ACSL1: variants seen among roughly 807,000 people sequenced by gnomAD.
ACSL1 encodes long-chain-fatty-acid--CoA ligase 1.
In ACSL1, 41 loss-of-function variants were observed where a neutral mutation model predicts 98.4. The ratio of observed to expected loss-of-function variants is 0.42; its 90% CI spans 0.32 to 0.54. The LOEUF (loss-of-function observed/expected upper bound fraction) is 0.54, where lower values mean the gene tolerates loss of function less well. ACSL1 is among the 20% of genes least tolerant of loss of function. ACSL1 has a pLI of 0.13. For synonymous variants in ACSL1, 316 were observed against 322.7 expected, an observed-to-expected ratio of 0.98 and a Z score of 0.22; for missense variants, 734 against 883.1, an observed-to-expected ratio of 0.83 and a Z score of 2.14.
intron 1 of ACSL1, among the ~76,000 whole-genome samples, chr4:184,804,956 C>T (rs895735253): frequency 2.0e-5 from 3 of 152,164 alleles, no homozygotes; most frequent in African/African-American, 7.2e-5. Flanking sequence ...AAACTACCAT[C>T]AGAGTGAACA....
At chr4:184,795,625 T>G (rs1769222535) in intron 2 of ACSL1, among the ~76,000 whole-genome samples, 1 of 152,208 alleles carries the variant, frequency 6.6e-6, no homozygotes, top group Non-Finnish European at 1.5e-5. Flanking sequence ...GTTCTCACCC[T>G]GCAGGCCACC....
intron 7 of ACSL1, among the ~76,000 whole-genome samples, chr4:184,774,359 C>T (rs1764964592): frequency 6.6e-6 from 1 of 152,184 alleles, no homozygotes; most frequent in South Asian, 2.1e-4. Context: ...TCAATCTCTG[C>T]TCGATTGAAA....
Position 184,762,478 on chromosome 4 carries a change from G to C in ACSL1, c.1567C>G (p.Pro523Ala), listed in dbSNP as rs757539713. ...PNVFQGYLKD[P>A]AKTAEALDKD... ...TCCAAAGCTTCTGCTGTTTTCGCTG[G>C]GTCCTTCAAGTAGCCCTGAAATACA... Residue 523 changes from proline (P) to alanine (A), a missense_variant, in exon 17 of 21, where the codon CCA becomes GCA. Physicochemically the swap from Pro to Ala is conservative, Grantham distance 27 (BLOSUM62 -1). Coordinates refer to ENST00000281455, the MANE Select transcript of ACSL1 (RefSeq NM_001995.5). 6.2e-7 allele frequency: 1 copy of C among 1,614,162 alleles called. No homozygotes were observed. Among genetic ancestry groups the C allele is most frequent in the East Asian group, 2.2e-5 (1 of 44,880 alleles).
chr4:184,791,217 CAG>C (rs1383096703), intron 2 of ACSL1, among the ~76,000 whole-genome samples: 1 of 152,224 alleles, frequency 6.6e-6, no homozygotes, highest in African/African-American at 2.4e-5. Context: ...CTGCACTCTG[CAG>C]AGGAGTTCCC....
chr4:184,779,961 C>A (rs1353104828), intron 5 of ACSL1, among the ~76,000 whole-genome samples: 1 of 151,946 alleles, frequency 6.6e-6, no homozygotes, highest in South Asian at 2.1e-4. Flanking sequence ...CAACCTCTGC[C>A]TCCCGGATTC....
At chr4:184,816,355 A>G (rs1361925038) in intron 1 of ACSL1, among the ~76,000 whole-genome samples, 5 of 152,180 alleles carry the variant, frequency 3.3e-5, no homozygotes, top group Non-Finnish European at 7.4e-5. Context: ...GGTGACAACC[A>G]CGAGACATGA....
At chr4:184,798,077 G>T (rs933795308) in intron 2 of ACSL1, among the ~76,000 whole-genome samples, 6 of 152,286 alleles carry the variant, frequency 3.9e-5, no homozygotes, top group Admixed American at 1.3e-4. Flanking sequence ...CGTTTGGTGT[G>T]GAATTTAGTC....
intron 3 of ACSL1, among the ~76,000 whole-genome samples, chr4:184,787,361 G>C (rs1322033151): frequency 1.3e-5 from 2 of 152,208 alleles, no homozygotes; most frequent in Non-Finnish European, 2.9e-5. Context: ...AGAATGCCAG[G>C]TGAACACCTC....
intron 1 of ACSL1, among the ~76,000 whole-genome samples, chr4:184,810,010 G>GA (rs1455924206): frequency 6.6e-6 from 1 of 152,084 alleles, no homozygotes; most frequent in African/African-American, 2.4e-5. Context: ...TGCTACTAGT[G>GA]AAAAAATTCT....
chr4:184,820,604 T>C (rs1772989844), intron 1 of ACSL1, among the ~76,000 whole-genome samples: 1 of 151,522 alleles, frequency 6.6e-6, no homozygotes, highest in African/African-American at 2.4e-5. Context: ...AACCTGGAAC[T>C]TTCTTTTTTT....
At chr4:184,805,340 T>C (rs1399774248) in intron 1 of ACSL1, 1 of 298,548 alleles carries the variant, frequency 3.3e-6, no homozygotes, top group African/African-American at 2.3e-5. Context: ...CAACATAATG[T>C]ATTTGCTCTG....
chr4:184,823,575 A>C (rs1773232879), intron 1 of ACSL1, among the ~76,000 whole-genome samples: 1 of 152,194 alleles, frequency 6.6e-6, no homozygotes, highest in African/African-American at 2.4e-5. Context: ...TATAATGACA[A>C]GACAACCTTA....
chr4:184,816,850 A>T (rs1401038193), intron 1 of ACSL1, among the ~76,000 whole-genome samples: 1 of 152,156 alleles, frequency 6.6e-6, no homozygotes, highest in Non-Finnish European at 1.5e-5. Context: ...TGTAGGCTGC[A>T]TCTTGCCAAC....
At chr4:184,820,162 T>C (rs1772947903) in intron 1 of ACSL1, among the ~76,000 whole-genome samples, 2 of 152,114 alleles carry the variant, frequency 1.3e-5, no homozygotes, top group Admixed American at 6.6e-5. Context: ...GGACTACAGG[T>C]GCCCACCACC....
At chr4:184,762,139 A>G (rs554263815) in intron 17 of ACSL1, among the ~76,000 whole-genome samples, 44 of 152,168 alleles carry the variant, frequency 2.9e-4, no homozygotes, top group Admixed American at 2.8e-3. Context: ...CTCAAAAAAA[A>G]AAAACCCCAA....
intron 11 of ACSL1, 46 bp from the exon 12 acceptor site, chr4:184,768,496 G>A (rs769523949): frequency 1.3e-6 from 2 of 1,577,532 alleles, no homozygotes; most frequent in East Asian, 4.7e-5. Context: ...CCACAGCAGG[G>A]GTTACACAAC....
intron 2 of ACSL1, among the ~76,000 whole-genome samples, chr4:184,789,061 C>A (rs1268338494): frequency 6.6e-6 from 1 of 152,170 alleles, no homozygotes; most frequent in Non-Finnish European, 1.5e-5. Context: ...GTCTAATATG[C>A]CCCTGTGGTA....
At chr4:184,764,406 C>T (rs1263706224) in intron 15 of ACSL1, among the ~76,000 whole-genome samples, 1 of 152,212 alleles carries the variant, frequency 6.6e-6, no homozygotes, top group Non-Finnish European at 1.5e-5. Flanking sequence ...TGAGAAATGA[C>T]TTTTTGAGAA....
intron 5 of ACSL1, among the ~76,000 whole-genome samples, chr4:184,779,289 G>A (rs560522687): frequency 4.6e-5 from 7 of 152,210 alleles, no homozygotes; most frequent in African/African-American, 1.4e-4. Context: ...GAGATCTGAT[G>A]GGTTTATCAG....
Sources: allele counts gnomAD v4.1 joint callset (sites outside exome capture counted in the v4.1 genomes callset), GRCh38; gene constraint gnomAD v4.1.1; transcripts MANE v1.5; gene names NCBI Gene and HGNC (gene_info 2026-07-23, HGNC 2026-07-21).